Variants in TSPEAR observed in about 807,000 individuals in gnomAD.
The protein encoded by TSPEAR is thrombospondin type laminin G domain and EAR repeats.
In TSPEAR, 69 loss-of-function variants were observed where a neutral mutation model predicts 71.6. The ratio of observed to expected loss-of-function variants is 0.96; its 90% CI spans 0.79 to 1.18. TSPEAR has a LOEUF of 1.18. TSPEAR is among the 50% of genes most tolerant of loss of function. The pLI is 0.00. For missense variants in TSPEAR, 971 were observed against 894.9 expected, an observed-to-expected ratio of 1.09 and a Z score of -1.09; for synonymous variants, 402 against 387.2, an observed-to-expected ratio of 1.04 and a Z score of -0.45.
intron 1 of TSPEAR, among the ~76,000 whole-genome samples, chr21:44,588,127 T>C (rs1170282165): frequency 6.6e-6 from 1 of 152,170 alleles, no homozygotes; most frequent in Non-Finnish European, 1.5e-5. Flanking sequence ...TCTGTACATC[T>C]GACAAAGGAC....
chr21:44,650,461 T>C (rs9680204), intron 1 of TSPEAR, among the ~76,000 whole-genome samples: 323 of 13,128 alleles, frequency 0.025, 1 homozygote, highest in Non-Finnish European at 0.026. Context: ...GGGGCAGAGA[T>C]TGGGGCCACG....
chr21:44,692,719 T>A (rs1011297370), intron 1 of TSPEAR, among the ~76,000 whole-genome samples: 9 of 152,070 alleles, frequency 5.9e-5, no homozygotes, highest in Non-Finnish European at 1.3e-4. Flanking sequence ...AAGACCTAAA[T>A]AAATGGAAAG....
At chr21:44,567,127 T>C (rs1555921833) in intron 2 of TSPEAR, among the ~76,000 whole-genome samples, 1 of 152,128 alleles carries the variant, frequency 6.6e-6, no homozygotes, top group Non-Finnish European at 1.5e-5. Flanking sequence ...AAGGGGCTCA[T>C]CAAATACATA....
intron 2 of TSPEAR, among the ~76,000 whole-genome samples, chr21:44,535,802 G>A (rs2053079540): frequency 6.6e-6 from 1 of 151,638 alleles, no homozygotes; most frequent in Non-Finnish European, 1.5e-5. Flanking sequence ...CTGACCTCAG[G>A]TGATCCGCCC....
chr21:44,606,163 C>CAAAAAAAAAA (rs61407657), intron 1 of TSPEAR, among the ~76,000 whole-genome samples: 1 of 71,000 alleles, frequency 1.4e-5, no homozygotes, highest in Admixed American at 1.6e-4. Context: ...GACCCTGGCT[C>CAAAAAAAAAA]AAAAAAAAAA....
At chr21:44,585,096 G>A (rs1181121434) in intron 1 of TSPEAR, among the ~76,000 whole-genome samples, 5 of 152,148 alleles carry the variant, frequency 3.3e-5, no homozygotes, top group Admixed American at 2.6e-4. Context: ...TTTGAAAAGA[G>A]GGGGTCGTGC....
chr21:44,646,634 A>C lies in TSPEAR; in HGVS notation c.82+64799T>G, dbSNP rs1289660441. On this transcript the variant is annotated intron_variant, in intron 1 of 11. Coordinates refer to ENST00000323084, the MANE Select transcript of TSPEAR (RefSeq NM_144991.3). ...AGCTGTGTGTCCAGCCCCTGCTGCC[A>C]GGCGGCCTGTGAGCCCAGCGCCTGC... 2.2e-5 allele frequency: 35 copies of C among 1,612,906 alleles called. No homozygotes were observed. The highest frequency in any genetic ancestry group is 2.9e-5 in the Non-Finnish European group (34 of 1,179,832).
At chr21:44,601,343 C>T (rs782312340) in intron 1 of TSPEAR, 2 of 1,613,240 alleles carry the variant, frequency 1.2e-6, no homozygotes, top group Non-Finnish European at 1.7e-6. Flanking sequence ...TGCTGTGTGC[C>T]CACCTGCTCT....
At chr21:44,633,347 T>C (rs1208266037) in intron 1 of TSPEAR, among the ~76,000 whole-genome samples, 1 of 152,212 alleles carries the variant, frequency 6.6e-6, no homozygotes, top group Non-Finnish European at 1.5e-5. Context: ...CTTTCTTGTT[T>C]TTTAATATAA....
intron 2 of TSPEAR, among the ~76,000 whole-genome samples, chr21:44,557,228 T>C (rs2838588): frequency 0.17 from 25,696 of 152,142 alleles, 2,509 homozygotes; most frequent in Middle Eastern, 0.23. Flanking sequence ...AAAACACACC[T>C]GTCTTAGAGG....
At chr21:44,702,630 C>A in intron 1 of TSPEAR, 1 of 1,600,588 alleles carries the variant, frequency 6.2e-7, no homozygotes, top group Admixed American at 1.7e-5. Flanking sequence ...TCCTCTGCCA[C>A]CCTGTGTGCA....
rs1980164181 is a variant in TSPEAR, at chr21:44,593,751, CA to C, written c.83-25747del. On this transcript the variant is annotated intron_variant, in intron 1 of 11. Coordinates refer to ENST00000323084, the MANE Select transcript of TSPEAR (RefSeq NM_144991.3). The surrounding 1 kb of genome is among the most constrained non-coding windows in gnomAD (Gnocchi z 5.9). ...GGCAAGGGACAAGCCGCGTGCCCTA[CA>C]CTGAGAGGACGGACTCTGCTCTCAC... is the stretch of plus-strand genomic sequence containing the variant. Among the ~76,000 whole-genome samples the C allele has an allele frequency of 6.6e-6, 1 of 152,250 alleles. No individual in the cohort carries two copies. Among genetic ancestry groups the C allele is most frequent in the Admixed American group, 6.5e-5 (1 of 15,286 alleles).
intron 2 of TSPEAR, among the ~76,000 whole-genome samples, chr21:44,554,298 G>T (rs7283370): frequency 6.6e-6 from 1 of 152,078 alleles, no homozygotes; most frequent in Non-Finnish European, 1.5e-5. Flanking sequence ...ACCACCATGT[G>T]GCACCCTGAC....
intron 1 of TSPEAR, among the ~76,000 whole-genome samples, chr21:44,708,569 CA>C (rs1555952972): frequency 3.7e-4 from 57 of 152,328 alleles, no homozygotes; most frequent in African/African-American, 1.3e-3. Context: ...TTTTAAGATG[CA>C]AATCTGCGCC....
At chr21:44,571,379 C>G (rs181329969) in intron 1 of TSPEAR, among the ~76,000 whole-genome samples, 2 of 152,236 alleles carry the variant, frequency 1.3e-5, no homozygotes, top group East Asian at 3.8e-4. Context: ...CCAGATAACA[C>G]TAGTCTGGAA....
intron 1 of TSPEAR, among the ~76,000 whole-genome samples, chr21:44,599,236 TA>T (rs1980609188): frequency 6.6e-6 from 1 of 150,412 alleles, no homozygotes; most frequent in Non-Finnish European, 1.5e-5. Flanking sequence ...AAATTTATAT[TA>T]TTTTTATAGT....
intron 1 of TSPEAR, chr21:44,574,047 C>G (rs587743035): frequency 6.2e-7 from 1 of 1,610,924 alleles, no homozygotes; most frequent in African/African-American, 1.3e-5. Flanking sequence ...TAGCTGCCAG[C>G]TGGCTTGCTG....
chr21:44,677,276 T>C (rs2838626), intron 1 of TSPEAR: 118,875 of 753,368 alleles, frequency 0.16, 9,906 homozygotes, highest in Middle Eastern at 0.18. Context: ...CCTTTCTGTG[T>C]TCCTTCAACG....
chr21:44,710,692 C>A lies in TSPEAR; in HGVS notation c.82+741G>T, dbSNP rs1555953436. ...TACTGTCCAGTAACTGAGTTTCTAGCGACCAGGTCTAGTTGTCGTGTTACT... is the reference window on the plus strand; with the variant it reads ...TACTGTCCAGTAACTGAGTTTCTAGAGACCAGGTCTAGTTGTCGTGTTACT... On this transcript the variant is annotated intron_variant, in intron 1 of 11. Transcript: ENST00000323084. This position sits in a 1 kb window ranked among gnomAD's most constrained non-coding sequence, Gnocchi z 4.6. Among the ~76,000 whole-genome samples the A allele has an allele frequency of 6.6e-6, 1 of 152,212 alleles. No homozygotes were observed. The highest frequency in any genetic ancestry group is 1.5e-5 in the Non-Finnish European group (1 of 68,042).
Sources: allele counts gnomAD v4.1 joint callset (sites outside exome capture counted in the v4.1 genomes callset), GRCh38; gene constraint gnomAD v4.1.1; non-coding constraint Gnocchi (gnomAD v3.1); transcripts MANE v1.5; gene names NCBI Gene and HGNC (gene_info 2026-07-23, HGNC 2026-07-21).